Variants in SALL3 observed in about 807,000 individuals in gnomAD.
The protein encoded by SALL3 is sal-like protein 3.
Under a neutral mutation model 66.2 loss-of-function variants are expected in SALL3, and 25 were observed. The observed-to-expected ratio is 0.38, with a 90% CI of 0.28 to 0.53. SALL3 has a LOEUF of 0.53. Among genes scored for constraint, SALL3 ranks in the 20% least tolerant of loss-of-function variants. The probability of loss-of-function intolerance (pLI) is 0.85; values close to 1 mark genes in which losing one functional copy is unlikely to be tolerated. For missense variants in SALL3, 2,194 were observed against 1,916.5 expected, an observed-to-expected ratio of 1.14 and a Z score of -2.70; for synonymous variants, 1,152 against 899.1, an observed-to-expected ratio of 1.28 and a Z score of -5.03.
Position 78,995,014 on chromosome 18 carries a change from CG to C in SALL3, c.3024del (p.Leu1009SerfsTer12). On this transcript the variant is annotated frameshift_variant, in exon 2 of 3. Transcript: ENST00000537592. LOFTEE classifies it high-confidence loss of function. The stretch of plus-strand genomic sequence containing the variant: ...ACTAAGGAGCGGCCATTCGTCTGCG[CG>C]CTCTGCAGGCGAGGGTGCTCCACTA... ...SHTKERPFVC[A>X]LCRRGCSTMG... 6.2e-7 allele frequency: 1 copy of C among 1,613,870 alleles called. No individual in the cohort carries two copies. Among genetic ancestry groups the C allele is most frequent in the South Asian group, 1.1e-5 (1 of 91,086 alleles).
Position 78,997,194 on chromosome 18 carries a change from G to A in SALL3, c.3775G>A (p.Gly1259Arg), listed in dbSNP as rs779860743. 3.5e-5 allele frequency: 57 copies of A among 1,613,918 alleles called. No individual in the cohort carries two copies. Among genetic ancestry groups the A allele is most frequent in the Admixed American group, 6.7e-5 (4 of 60,008 alleles). The part of the protein sequence containing the change: ...ALPPLGSMAS[G>R]MDKARTGSSP... The stretch of plus-strand genomic sequence containing the variant: ...CCCCCCTCTGGGCAGCATGGCCAGT[G>A]GGATGGACAAAGCACGCACTGGCAG... The change falls in exon 3 of 3, where the codon GGG (glycine) becomes AGG (arginine). Residue 1259 changes from glycine to arginine, a missense_variant. Gly to Arg is a moderately radical substitution (Grantham distance 125, BLOSUM62 -2). Coordinates refer to ENST00000537592, the MANE Select transcript of SALL3 (RefSeq NM_171999.4).
intron 1 of SALL3, among the ~76,000 whole-genome samples, chr18:78,991,384 G>GT (rs1555706482): frequency 0.2 from 551 of 2,704 alleles, 11 homozygotes; most frequent in African/African-American, 0.33. Context: ...GTACAAGGGT[G>GT]GGGGGGGGGG....
At chr18:78,982,462 T>A (rs1914105062) in intron 1 of SALL3, among the ~76,000 whole-genome samples, 1 of 152,210 alleles carries the variant, frequency 6.6e-6, no homozygotes, top group Non-Finnish European at 1.5e-5. Context: ...CATGCTTGTT[T>A]GAGAGAGTTT....
chr18:78,995,300 C>G lies in SALL3; in HGVS notation c.3309C>G (p.Ala1103=). The change falls in exon 2 of 3, where the codon GCC becomes GCG. Residue 1103 remains alanine (A), a synonymous_variant. Coordinates refer to ENST00000537592, the MANE Select transcript of SALL3 (RefSeq NM_171999.4). ...VMGPGLAPML[A]PPPRRTPKQH... The stretch of plus-strand genomic sequence containing the variant: ...GCCCGGGCCTGGCGCCCATGCTGGC[C>G]CCCCCACCGCGCCGGACGCCCAAGC... 6.4e-7 allele frequency: 1 copy of G among 1,573,914 alleles called. No individual in the cohort carries two copies. The highest frequency in any genetic ancestry group is 8.6e-7 in the Non-Finnish European group (1 of 1,165,292).
rs755579014 is a variant in SALL3 at position 78,994,682 on chromosome 18, C to G, written c.2691C>G (p.Ser897=). 1 of 1,608,232 alleles carries G rather than the reference C, an allele frequency of 6.2e-7. No homozygotes were observed. The highest frequency in any genetic ancestry group is 8.5e-7 in the Non-Finnish European group (1 of 1,179,510). The change falls in exon 2 of 3, where the codon TCC becomes TCG. Residue 897 remains serine, a synonymous_variant. Coordinates refer to ENST00000537592, the MANE Select transcript of SALL3 (RefSeq NM_171999.4). ...GCAGCGCGGGCAGCCCCGCCCTGTC[C>G]GAGTCCTCGTCCTCGCAGGCCCTGT... ...ESRSAGSPAL[S]ESSSSQALSP...
At chr18:78,980,444 G>T in intron 1 of SALL3, 88 bp downstream of exon 1, 4 of 794,564 alleles carry the variant, frequency 5.0e-6, no homozygotes, top group Non-Finnish European at 6.7e-6. Context: ...GGATGCGCGC[G>T]TCCGGGAGCG....
chr18:78,987,074 GT>G (rs532903915), intron 1 of SALL3, among the ~76,000 whole-genome samples: 2 of 151,856 alleles, frequency 1.3e-5, no homozygotes, highest in East Asian at 3.9e-4. Context: ...CCTGTTTTAG[GT>G]TTTTTCTCAT....
At chr18:78,991,737 T>G in intron 1 of SALL3, 2 of 293,474 alleles carry the variant, frequency 6.8e-6, no homozygotes, top group East Asian at 5.5e-5. Flanking sequence ...GGAAGCCGGA[T>G]GGTAAAGGGG....
At chr18:78,990,585 C>T (rs757350031) in intron 1 of SALL3, among the ~76,000 whole-genome samples, 2 of 152,214 alleles carry the variant, frequency 1.3e-5, no homozygotes, top group Non-Finnish European at 2.9e-5. Flanking sequence ...GAACCCTAAA[C>T]ATCAACAACA....
chr18:78,982,724 T>C (rs1396190186), intron 1 of SALL3, among the ~76,000 whole-genome samples: 1 of 152,166 alleles, frequency 6.6e-6, no homozygotes, highest in Non-Finnish European at 1.5e-5. Flanking sequence ...GCAATGGAAA[T>C]AAACAGACCG....
chr18:78,980,243 GC>G lies in SALL3; in HGVS notation c.-28del. ...CGCCGGCCGCCCCGCTGATGCCGCT[GC>G]CCCGCGCGGGGCCCGAGCGCCGCTA... is the stretch of plus-strand genomic sequence containing the variant. On this transcript the variant is annotated 5_prime_UTR_variant, in exon 1 of 3. It removes the in-frame stop codon of an upstream open reading frame in the 5' UTR. Transcript: ENST00000537592. The G allele has an allele frequency of 8.7e-7, 1 of 1,148,906 alleles. No individual in the cohort carries two copies. The highest frequency in any genetic ancestry group is 1.1e-6 in the Non-Finnish European group (1 of 919,350). 71.2% of individuals were successfully genotyped at this position (1,148,906 alleles called of 1,614,324 possible). A position where few individuals can be genotyped will look rare whatever the true frequency, so the allele number is the denominator to read the frequency against.
Position 78,997,206 on chromosome 18 carries a change from G to C in SALL3, c.3787G>C (p.Ala1263Pro). 1 of 1,614,034 alleles carries C rather than the reference G, an allele frequency of 6.2e-7. No individual in the cohort carries two copies. The change falls in exon 3 of 3, where the codon GCA (alanine) becomes CCA (proline). Residue 1263 changes from alanine (A) to proline (P), a missense_variant. Transcript: ENST00000537592. ...LGSMASGMDK[A>P]RTGSSPPIVS... ...CAGCATGGCCAGTGGGATGGACAAA[G>C]CACGCACTGGCAGTAGCCCACCCAT...
At position 78,992,957 on chromosome 18, in the gene SALL3, C is replaced by A; in HGVS notation, c.966C>A (p.Ala322=). The part of the protein sequence containing the change: ...AAPSAAPAPA[A]PAPAPAPQSA... ...CCAGCGCCGCCCCTGCCCCCGCTGC[C>A]CCCGCCCCGGCGCCAGCGCCGCAGA... The change falls in exon 2 of 3, where the codon GCC becomes GCA. Residue 322 remains alanine (A), a synonymous_variant. Coordinates refer to ENST00000537592, the MANE Select transcript of SALL3 (RefSeq NM_171999.4). 1 of 1,171,986 alleles carries A rather than the reference C, an allele frequency of 8.5e-7. No homozygotes were observed. Among genetic ancestry groups the A allele is most frequent in the East Asian group, 4.1e-5 (1 of 24,494 alleles). The allele number at this position is 1,171,986 out of a possible 1,614,324, so 72.6% of individuals were successfully genotyped here.
Position 78,994,283 on chromosome 18 carries a change from C to T in SALL3, c.2292C>T (p.Gly764=). Residue 764 remains glycine (G), a synonymous_variant, in exon 2 of 3, where the codon GGC becomes GGT. Transcript: ENST00000537592. The part of the protein sequence containing the change: ...LQQHIRMHMG[G]QIPNTPLPEG... The stretch of plus-strand genomic sequence containing the variant: ...AGCACATCCGCATGCACATGGGCGG[C>T]CAGATCCCCAACACGCCGCTGCCGG... 5 of 1,613,766 alleles carry T rather than the reference C, an allele frequency of 3.1e-6. No homozygotes were observed. The highest frequency in any genetic ancestry group is 4.2e-6 in the Non-Finnish European group (5 of 1,180,014).
intron 1 of SALL3, among the ~76,000 whole-genome samples, chr18:78,985,736 T>G (rs1401918725): frequency 1.3e-5 from 2 of 152,194 alleles, no homozygotes; most frequent in Non-Finnish European, 2.9e-5. Context: ...GGCATTTATA[T>G]GTCTAAGTGG....
intron 1 of SALL3, among the ~76,000 whole-genome samples, chr18:78,991,292 A>G (rs550250274): frequency 2.0e-5 from 3 of 148,462 alleles, no homozygotes; most frequent in East Asian, 2.0e-4. Flanking sequence ...AATTAATTGT[A>G]TTACACATGA....
Position 78,992,514 on chromosome 18 carries a change from A to G in SALL3, c.523A>G (p.Lys175Glu). 12 of 1,482,196 alleles carry G rather than the reference A, an allele frequency of 8.1e-6. No homozygotes were observed. The highest frequency in any genetic ancestry group is 8.9e-6 in the Non-Finnish European group (10 of 1,121,540). 91.8% of individuals were successfully genotyped at this position (1,482,196 alleles called of 1,614,324 possible). Residue 175 changes from lysine to glutamate, a missense_variant, in exon 2 of 3, where the codon AAG becomes GAG. Physicochemically the swap from Lys to Glu is moderately conservative, Grantham distance 56. Transcript: ENST00000537592. ...GACCCTGGAGGCGCTGCTGAGCACC[A>G]AGGTGGCGGTGGCGCAGTTCTCGCA... The part of the protein sequence containing the change: ...NVTLEALLST[K>E]VAVAQFSQGA...
intron 1 of SALL3, among the ~76,000 whole-genome samples, chr18:78,981,789 T>C (rs1025395242): frequency 3.3e-5 from 5 of 152,324 alleles, no homozygotes; most frequent in Non-Finnish European, 7.4e-5. Context: ...TTTGTTTACT[T>C]CATCACATAG....
chr18:78,992,051 GACTC>G lies in SALL3; in HGVS notation c.83-18_83-15del. 1 of 1,411,322 alleles carries G rather than the reference GACTC, an allele frequency of 7.1e-7. No homozygotes were observed. 87.4% of individuals were successfully genotyped at this position (1,411,322 alleles called of 1,614,324 possible). A position where few individuals can be genotyped will look rare whatever the true frequency, so the allele number is the denominator to read the frequency against. ...GGAGGGCGGGCGCCGAGCCCCGGCT[GACTC>G]ACTCTCTTGGTCTTGCAGCCGCCCC... On this transcript the variant is annotated intron_variant, in intron 1 of 2. Coordinates refer to ENST00000537592, the MANE Select transcript of SALL3 (RefSeq NM_171999.4).
Sources: allele counts gnomAD v4.1 joint callset (sites outside exome capture counted in the v4.1 genomes callset), GRCh38; gene constraint gnomAD v4.1.1; transcripts MANE v1.5; gene names NCBI Gene and HGNC (gene_info 2026-07-23, HGNC 2026-07-21).